The following AOX1 variants were observed in gnomAD, a reference collection of about 807,000 sequenced individuals.
AOX1 encodes aldehyde oxidase 1.
A neutral mutation model predicts 169.5 loss-of-function variants in AOX1; 153 were observed. The observed-to-expected ratio is 0.90, with a 90% confidence interval of 0.79 to 1.03. AOX1 has a LOEUF of 1.03. Ranked by LOEUF, AOX1 falls within the 50% of genes least tolerant of loss-of-function variation. AOX1 has a pLI of 0.00. For missense variants in AOX1, 1,656 were observed against 1,663.9 expected (o/e 1.00, Z 0.08); for synonymous variants, 562 against 581.9 (o/e 0.97, Z 0.49).
downstream of AOX1, among the ~76,000 whole-genome samples, chr2:200,680,842 C>T (rs964189505): frequency 6.6e-6 from 1 of 152,076 alleles, no homozygotes; most frequent in Non-Finnish European, 1.5e-5. Flanking sequence ...CACCATATAC[C>T]CAGCCAGGGC....
intron 20 of AOX1, among the ~76,000 whole-genome samples, chr2:200,630,507 T>C (rs2035095180): frequency 7.7e-6 from 1 of 130,378 alleles, no homozygotes; most frequent in African/African-American, 3.0e-5. Flanking sequence ...TGAGCAACAG[T>C]GAGACTGTCA....
At position 200,599,663 on chromosome 2, in the gene AOX1, C is replaced by T; in HGVS notation, c.353C>T (p.Thr118Ile). 6.2e-7 allele frequency: 1 copy of T among 1,612,734 alleles called. No individual in the cohort carries two copies. Among genetic ancestry groups the T allele is most frequent in the Non-Finnish European group, 8.5e-7 (1 of 1,179,170 alleles). Residue 118 changes from threonine to isoleucine, a missense_variant, in exon 5 of 35, where the codon ACA becomes ATA. Transcript: ENST00000374700. ...KCHGTQCGFCTPGMVMSIYTL... is the reference protein window; with the variant it reads ...KCHGTQCGFCIPGMVMSIYTL... ...CATGGCACCCAGTGTGGCTTCTGCACACCTGGGATGGTGATGTCCATCTAC... is the reference window on the plus strand; with the variant it reads ...CATGGCACCCAGTGTGGCTTCTGCATACCTGGGATGGTGATGTCCATCTAC...
intron 23 of AOX1, among the ~76,000 whole-genome samples, chr2:200,640,088 T>C (rs993982018): frequency 1.5e-4 from 22 of 144,258 alleles, no homozygotes; most frequent in Admixed American, 1.0e-3. Context: ...ATGCCAGGTG[T>C]GGGAATAGTA....
intron 2 of AOX1, among the ~76,000 whole-genome samples, chr2:200,593,704 C>T (rs1156704447): frequency 6.6e-6 from 1 of 152,162 alleles, no homozygotes; most frequent in Non-Finnish European, 1.5e-5. Context: ...GTGAAAGACA[C>T]TACTGAATTA....
chr2:200,667,229 A>G (rs570009071), intron 32 of AOX1, among the ~76,000 whole-genome samples: 1 of 152,328 alleles, frequency 6.6e-6, no homozygotes, highest in South Asian at 2.1e-4. Flanking sequence ...AAGATTGGAA[A>G]GTCATAAATA....
intron 28 of AOX1, 101 bp downstream of exon 28, chr2:200,659,394 T>C: frequency 7.5e-7 from 1 of 1,327,276 alleles, no homozygotes; most frequent in Non-Finnish European, 1.0e-6. Flanking sequence ...CCAACTCATA[T>C]CTCCTTCCCC....
chr2:200,652,670 C>T (rs1040805945), intron 26 of AOX1, among the ~76,000 whole-genome samples: 3 of 152,158 alleles, frequency 2.0e-5, no homozygotes, highest in East Asian at 1.9e-4. Flanking sequence ...GTAAACATGG[C>T]GCACTGCCTC....
At chr2:200,593,907 T>C (rs1213667951) in intron 2 of AOX1, among the ~76,000 whole-genome samples, 2 of 152,202 alleles carry the variant, frequency 1.3e-5, no homozygotes, top group Non-Finnish European at 2.9e-5. Context: ...TCCCTGATTA[T>C]CCACAGTACC....
At chr2:200,671,842 T>G (rs373727988), downstream of AOX1, among the ~76,000 whole-genome samples, 4 of 152,160 alleles carry the variant, frequency 2.6e-5, no homozygotes, top group African/African-American at 9.7e-5. Flanking sequence ...AAAACATATA[T>G]TCACCCAAAA....
chr2:200,662,056 A>C (rs532449028), intron 30 of AOX1, among the ~76,000 whole-genome samples: 1 of 152,382 alleles, frequency 6.6e-6, no homozygotes, highest in Admixed American at 6.5e-5. Flanking sequence ...AAATTGGACC[A>C]TAACCATGTT....
chr2:200,661,562 A>T lies in AOX1; in HGVS notation c.3376-17A>T. On this transcript the variant is annotated splice_polypyrimidine_tract_variant and intron_variant, in intron 29 of 34. Transcript: ENST00000374700. ...TTGGGCATCCTTGTTGCATCATGCT[A>T]TGCTCTTCCTTCACAGGCACAGACT... 6.2e-7 allele frequency: 1 copy of T among 1,609,556 alleles called. No homozygotes were observed.
At chr2:200,591,909 G>A (rs2034181502) in intron 1 of AOX1, among the ~76,000 whole-genome samples, 1 of 152,076 alleles carries the variant, frequency 6.6e-6, no homozygotes. Flanking sequence ...GAAGAGAAAG[G>A]AGTTTAGAGG....
At chr2:200,605,326 T>C (rs112842669) in intron 9 of AOX1, among the ~76,000 whole-genome samples, 36 of 152,306 alleles carry the variant, frequency 2.4e-4, no homozygotes, top group African/African-American at 8.4e-4. Flanking sequence ...GGCCCAAGTT[T>C]CAAGGTTGAC....
chr2:200,634,737 G>A (rs148501616), intron 20 of AOX1, 54 bp from the exon 21 acceptor site: 44 of 1,605,706 alleles, frequency 2.7e-5, no homozygotes, highest in South Asian at 2.0e-4. Flanking sequence ...CCTGGGGGAC[G>A]CTACCTGTTG....
At chr2:200,586,562 A>G (rs1450421642) in intron 1 of AOX1, among the ~76,000 whole-genome samples, 3 of 152,196 alleles carry the variant, frequency 2.0e-5, no homozygotes, top group Non-Finnish European at 2.9e-5. Flanking sequence ...AGCCTACAGA[A>G]ATGGCTGAGC....
chr2:200,665,537 T>C (rs544158485), intron 31 of AOX1, among the ~76,000 whole-genome samples: 34 of 152,340 alleles, frequency 2.2e-4, no homozygotes, highest in Non-Finnish European at 4.1e-4. Context: ...GTTCAAGTGA[T>C]TCTCGTGCCT....
rs2036011982 is a variant in AOX1 at position 200,670,660 on chromosome 2, C to T, written c.3998C>T (p.Pro1333Leu). 1.2e-6 allele frequency: 2 copies of T among 1,612,666 alleles called. No individual in the cohort carries two copies. Among genetic ancestry groups the T allele is most frequent in the African/African-American group, 2.7e-5 (2 of 75,004 alleles). ...IPRDEPGSYV[P>L]WNVPI ...AGAGATGAACCTGGATCCTACGTTC[C>T]TTGGAATGTACCCATCTGAATCAAA... Residue 1333 changes from proline to leucine, a missense_variant, in exon 35 of 35, where the codon CCT becomes CTT. By Grantham distance (98) the Pro-to-Leu change is moderately conservative. Coordinates refer to ENST00000374700, the MANE Select transcript of AOX1 (RefSeq NM_001159.4).
chr2:200,586,636 G>T (rs1251691239), intron 1 of AOX1, among the ~76,000 whole-genome samples: 1 of 152,250 alleles, frequency 6.6e-6, no homozygotes, highest in Non-Finnish European at 1.5e-5. Flanking sequence ...AGACCGTAGA[G>T]ACGAACACAT....
At chr2:200,601,074 T>G (rs1255594062) in intron 5 of AOX1, among the ~76,000 whole-genome samples, 1 of 10,902 alleles carries the variant, frequency 9.2e-5, no homozygotes, top group African/African-American at 2.6e-4. Context: ...CTTAGAGTGC[T>G]TTTTTTTTTT....
Sources: allele counts gnomAD v4.1 joint callset (sites outside exome capture counted in the v4.1 genomes callset), GRCh38; gene constraint gnomAD v4.1.1; transcripts MANE v1.5; gene names NCBI Gene and HGNC (gene_info 2026-07-23, HGNC 2026-07-21).